Variants in NRXN3 observed in about 807,000 individuals in gnomAD.
NRXN3 encodes the protein neurexin III.
In NRXN3, 32 loss-of-function variants were observed where a neutral mutation model predicts 137.6. The ratio of observed to expected loss-of-function variants is 0.23; its 90% CI spans 0.18 to 0.31. The LOEUF is 0.31. Among genes scored for constraint, NRXN3 ranks in the 10% least tolerant of loss-of-function variants. NRXN3 has a pLI of 1.00. For missense variants in NRXN3, 1,574 were observed against 2,062.5 expected, an observed-to-expected ratio of 0.76 and a Z score of 4.59; for synonymous variants, 798 against 784.5, an observed-to-expected ratio of 1.02 and a Z score of -0.29.
chr14:78,535,041 A>G (rs1410418161), intron 4 of NRXN3, among the ~76,000 whole-genome samples: 1 of 152,176 alleles, frequency 6.6e-6, no homozygotes, highest in Non-Finnish European at 1.5e-5. Flanking sequence ...AATTATAATA[A>G]AGCACAATTA....
At chr14:79,155,454 C>T (rs1366569366) in intron 15 of NRXN3, among the ~76,000 whole-genome samples, 2 of 151,758 alleles carry the variant, frequency 1.3e-5, no homozygotes, top group East Asian at 1.9e-4. Flanking sequence ...CCACCTTCAC[C>T]GTTTTTGTAG....
At position 78,967,269 on chromosome 14, in the gene NRXN3, C is replaced by G; in HGVS notation, c.2839C>G (p.Arg947Gly). 5.0e-6 allele frequency: 8 copies of G among 1,613,698 alleles called. No homozygotes were observed. Among genetic ancestry groups the G allele is most frequent in the Non-Finnish European group, 6.8e-6 (8 of 1,179,934 alleles). ...CAATGTGATCAAAGGCAACAGTGAC[C>G]GCCCCCTGAATGACAACCAGTGGCA... is the stretch of plus-strand genomic sequence containing the variant. ...GPNVIKGNSD[R>G]PLNDNQWHNV... is the part of the protein sequence containing the mutation. Residue 947 changes from arginine (R) to glycine (G), a missense_variant, in exon 13 of 21, where the codon CGC becomes GGC. Arg to Gly is a moderately radical substitution (Grantham distance 125). Coordinates refer to ENST00000335750, the MANE Select transcript of NRXN3 (RefSeq NM_001330195.2).
intron 15 of NRXN3, among the ~76,000 whole-genome samples, chr14:79,029,749 C>T (rs565533783): frequency 6.9e-6 from 1 of 145,522 alleles, no homozygotes; most frequent in South Asian, 2.3e-4. Context: ...CTTGTAGAGG[C>T]CCAAAAATGC....
At chr14:79,515,074 T>C (rs1017602155) in intron 16 of NRXN3, among the ~76,000 whole-genome samples, 2 of 150,288 alleles carry the variant, frequency 1.3e-5, no homozygotes, top group African/African-American at 2.5e-5. Context: ...CCTCAGAGGA[T>C]TGAGGGAGTT....
At chr14:79,738,005 T>C (rs2098948072) in intron 19 of NRXN3, among the ~76,000 whole-genome samples, 1 of 152,170 alleles carries the variant, frequency 6.6e-6, no homozygotes, top group Non-Finnish European at 1.5e-5. Context: ...AAAGGCCAGT[T>C]TCCCTTTAAA....
intron 10 of NRXN3, among the ~76,000 whole-genome samples, chr14:78,866,008 C>T (rs1034917665): frequency 6.6e-6 from 1 of 152,084 alleles, no homozygotes; most frequent in Non-Finnish European, 1.5e-5. Context: ...CAAATGGTGA[C>T]TAATTTATCA....
At chr14:78,689,758 C>A (rs1167702368) in intron 6 of NRXN3, among the ~76,000 whole-genome samples, 3 of 152,036 alleles carry the variant, frequency 2.0e-5, no homozygotes, top group Non-Finnish European at 4.4e-5. Context: ...ATTATTGACA[C>A]CCCTTCTCTG....
intron 20 of NRXN3, among the ~76,000 whole-genome samples, chr14:79,846,585 T>C (rs1192535230): frequency 2.0e-5 from 3 of 152,234 alleles, no homozygotes; most frequent in African/African-American, 7.2e-5. Flanking sequence ...GTAGAATGTT[T>C]AGATCTGGAA....
chr14:78,175,397 GT>G (rs1021623205), intron 1 of NRXN3, among the ~76,000 whole-genome samples: 2 of 152,164 alleles, frequency 1.3e-5, no homozygotes, highest in Non-Finnish European at 2.9e-5. Context: ...CCCCGGCCGT[GT>G]TCTCCTTACA....
chr14:78,189,141 C>T (rs186854965), intron 1 of NRXN3, among the ~76,000 whole-genome samples: 6 of 152,192 alleles, frequency 3.9e-5, no homozygotes, highest in Non-Finnish European at 8.8e-5. Context: ...AATCTACCAG[C>T]GAATCCTGTC....
chr14:79,817,665 C>T (rs1298830126), intron 20 of NRXN3, among the ~76,000 whole-genome samples: 2 of 152,034 alleles, frequency 1.3e-5, no homozygotes, highest in Non-Finnish European at 2.9e-5. Flanking sequence ...GGATCTGAAC[C>T]CAAGCCAACT....
At chr14:79,830,265 T>A (rs1463174376) in intron 20 of NRXN3, among the ~76,000 whole-genome samples, 1 of 152,158 alleles carries the variant, frequency 6.6e-6, no homozygotes, top group African/African-American at 2.4e-5. Context: ...CTAGAGTAGT[T>A]TGTTCTATTT....
chr14:78,697,076 T>A (rs1273614275), intron 6 of NRXN3, among the ~76,000 whole-genome samples: 1 of 152,110 alleles, frequency 6.6e-6, no homozygotes, highest in East Asian at 1.9e-4. Context: ...TCGTGATAGA[T>A]CACGTTTGAG....
At chr14:78,716,688 GT>G (rs1027642107) in intron 8 of NRXN3, among the ~76,000 whole-genome samples, 1 of 152,144 alleles carries the variant, frequency 6.6e-6, no homozygotes, top group African/African-American at 2.4e-5. Flanking sequence ...TTCAAGGCCT[GT>G]TTTTTTGTAA....
chr14:79,783,252 C>G (rs985223281), intron 19 of NRXN3, among the ~76,000 whole-genome samples: 7 of 152,122 alleles, frequency 4.6e-5, no homozygotes, highest in East Asian at 1.9e-4. Context: ...CAGTTAGTGA[C>G]GAGGCTGCAG....
intron 17 of NRXN3, among the ~76,000 whole-genome samples, chr14:79,666,636 G>T (rs2098558249): frequency 6.6e-6 from 1 of 151,980 alleles, no homozygotes; most frequent in African/African-American, 2.4e-5. Context: ...CTCCCCCAGA[G>T]AATTGGGGGA....
chr14:78,814,479 G>A (rs2098925284), intron 10 of NRXN3, among the ~76,000 whole-genome samples: 1 of 152,148 alleles, frequency 6.6e-6, no homozygotes, highest in South Asian at 2.1e-4. Flanking sequence ...GCCGGGTGTG[G>A]TGGTGTGCAC....
At chr14:79,011,046 G>A (rs1436753429) in intron 15 of NRXN3, among the ~76,000 whole-genome samples, 1 of 152,132 alleles carries the variant, frequency 6.6e-6, no homozygotes, top group African/African-American at 2.4e-5. Flanking sequence ...GAGGATACTT[G>A]GCAAACAGCA....
intron 17 of NRXN3, among the ~76,000 whole-genome samples, chr14:79,685,961 C>T (rs944484643): frequency 4.6e-5 from 7 of 152,218 alleles, no homozygotes; most frequent in South Asian, 2.1e-4. Flanking sequence ...GTTACATCTC[C>T]GGCATGGTTC....
Sources: gnomAD v4.1 joint callset for allele counts (sites outside exome capture counted in the v4.1 genomes callset) on GRCh38, gnomAD v4.1.1 for gene constraint, MANE v1.5 for transcripts, NCBI Gene and HGNC (gene_info 2026-07-23, HGNC 2026-07-21) for gene names.